Variants in GALNT5 observed in about 807,000 individuals in gnomAD.
The protein encoded by GALNT5 is UDP-GalNAc:polypeptide N-acetylgalactosaminyltransferase 5.
Under a neutral mutation model 85.4 loss-of-function variants are expected in GALNT5, and 72 were observed. The observed-to-expected ratio is 0.84, with a 90% CI of 0.70 to 1.03. GALNT5 has a LOEUF of 1.03. Among genes scored for constraint, GALNT5 ranks in the 50% least tolerant of loss-of-function variants. The pLI is 0.00. For missense variants in GALNT5, 1,137 were observed against 1,135.5 expected (o/e 1.00, Z -0.02); for synonymous variants, 404 against 397.0 (o/e 1.02, Z -0.21).
At chr2:157,288,386 ATTAT>A (rs1683021354) in intron 3 of GALNT5, among the ~76,000 whole-genome samples, 1 of 152,242 alleles carries the variant, frequency 6.6e-6, no homozygotes, top group Non-Finnish European at 1.5e-5. Context: ...TTGGAAAGTA[ATTAT>A]CTATAAATGA....
chr2:157,286,110 C>T lies in GALNT5; in HGVS notation c.1717C>T (p.Leu573=). ...KERHGLIRAR[L]AGAQNATGDV... ...GAGACATGGCTTAATAAGGGCCAGG[C>T]TGGCAGGAGCACAGAATGCAACAGG... Residue 573 remains leucine (L), a synonymous_variant, in exon 3 of 10, where the codon CTG becomes TTG. Transcript: ENST00000259056. 6.2e-7 allele frequency: 1 copy of T among 1,613,414 alleles called. No individual in the cohort carries two copies. Among genetic ancestry groups the T allele is most frequent in the South Asian group, 1.1e-5 (1 of 91,068 alleles).
At chr2:157,308,353 C>A (rs565133499) in intron 8 of GALNT5, among the ~76,000 whole-genome samples, 2 of 152,146 alleles carry the variant, frequency 1.3e-5, no homozygotes, top group East Asian at 3.8e-4. Flanking sequence ...TAGATACAAT[C>A]GCTATCCAAC....
At chr2:157,292,610 T>C (rs916313846) in intron 3 of GALNT5, among the ~76,000 whole-genome samples, 10 of 152,310 alleles carry the variant, frequency 6.6e-5, no homozygotes, top group South Asian at 4.1e-4. Flanking sequence ...CCAGGCCCCT[T>C]TGACTTCATA....
intron 8 of GALNT5, among the ~76,000 whole-genome samples, chr2:157,307,007 T>C (rs1683467601): frequency 2.0e-5 from 1 of 50,494 alleles, no homozygotes; most frequent in African/African-American, 4.7e-5. Flanking sequence ...TATTAAATAA[T>C]GCATTTTTTT....
At chr2:157,303,477 T>C (rs1683391628) in intron 7 of GALNT5, among the ~76,000 whole-genome samples, 1 of 150,726 alleles carries the variant, frequency 6.6e-6, no homozygotes, top group African/African-American at 2.5e-5. Flanking sequence ...ACATGGATAA[T>C]TTAAAATTCA....
rs181772023 is a variant in GALNT5 at position 157,315,609 on chromosome 2, T to C, written c.*4261T>C. On this transcript the variant is annotated 3_prime_UTR_variant, in exon 10 of 10. Transcript: ENST00000259056. The stretch of plus-strand genomic sequence containing the variant: ...CTCTCTGTGGTAACCAATTGATGTG[T>C]AGGTATAAACATGGCTACCCCCACA... 3.5e-4 allele frequency among the ~76,000 whole-genome samples: 54 copies of C among 152,250 alleles called. 1 individual carries two copies. Among genetic ancestry groups the C allele is most frequent in the Non-Finnish European group, 2.9e-5 (2 of 68,014 alleles).
At chr2:157,268,226 T>C (rs1682502803) in intron 1 of GALNT5, among the ~76,000 whole-genome samples, 1 of 152,222 alleles carries the variant, frequency 6.6e-6, no homozygotes, top group Admixed American at 6.5e-5. Flanking sequence ...TATCATTCCC[T>C]CAATCTTATG....
At chr2:157,304,113 A>T (rs1683403981) in intron 7 of GALNT5, among the ~76,000 whole-genome samples, 1 of 152,204 alleles carries the variant, frequency 6.6e-6, no homozygotes, top group South Asian at 2.1e-4. Flanking sequence ...ACAGAGAGCA[A>T]TTGCAGCATG....
At chr2:157,293,746 T>G (rs1683151230) in intron 3 of GALNT5, among the ~76,000 whole-genome samples, 1 of 152,040 alleles carries the variant, frequency 6.6e-6, no homozygotes, top group East Asian at 2.0e-4. Flanking sequence ...CGATGCTAAA[T>G]TCTATTAATT....
At position 157,314,951 on chromosome 2, in the gene GALNT5, G is replaced by A. The variant is rs1237345511; in HGVS notation, c.*3603G>A. 6.6e-6 allele frequency among the ~76,000 whole-genome samples: 1 copy of A among 152,014 alleles called. No homozygotes were observed. The highest frequency in any genetic ancestry group is 6.6e-5 in the Admixed American group (1 of 15,260). Reference sequence around the variant, plus strand: ...AAATTAGCTGGGCATGGTGGTGGGCGCCTGTAATCCCAGCTACCTGGGAGG... The same window carrying A: ...AAATTAGCTGGGCATGGTGGTGGGCACCTGTAATCCCAGCTACCTGGGAGG... On this transcript the variant is annotated 3_prime_UTR_variant, in exon 10 of 10. Transcript: ENST00000259056.
intron 1 of GALNT5, among the ~76,000 whole-genome samples, chr2:157,280,131 C>T (rs934889171): frequency 1.3e-5 from 2 of 152,164 alleles, no homozygotes; most frequent in South Asian, 2.1e-4. Context: ...GCCCTTGTGT[C>T]AGGCTAAAAG....
Position 157,259,094 on chromosome 2 carries a change from G to T in GALNT5, c.1012G>T (p.Val338Phe). Residue 338 changes from valine (V) to phenylalanine (F), a missense_variant, in exon 1 of 10, where the codon GTC becomes TTC. By Grantham distance (50) the Val-to-Phe change is conservative (BLOSUM62 -1). Transcript: ENST00000259056. Reference protein sequence around the residue: ...EEEQKADPKEVSNSKTKTIFP... With the variant: ...EEEQKADPKEFSNSKTKTIFP... Reference sequence around the variant, plus strand: ...AGAGCAAAAGGCAGACCCCAAAGAGGTCTCTAATTCTAAAACCAAAACAAT... The same window carrying T: ...AGAGCAAAAGGCAGACCCCAAAGAGTTCTCTAATTCTAAAACCAAAACAAT... The T allele has an allele frequency of 6.8e-7, 1 of 1,480,184 alleles. No homozygotes were observed. The highest frequency in any genetic ancestry group is 9.0e-7 in the Non-Finnish European group (1 of 1,113,900). 91.7% of individuals were successfully genotyped at this position (1,480,184 alleles called of 1,614,324 possible).
chr2:157,301,505 G>A (rs2105163616), intron 7 of GALNT5: 1 of 168,516 alleles, frequency 5.9e-6, no homozygotes, highest in South Asian at 1.4e-4. Context: ...GCTAGGCAGA[G>A]GGTAAAGGTC....
intron 3 of GALNT5, among the ~76,000 whole-genome samples, chr2:157,292,297 C>G (rs1488474154): frequency 6.6e-6 from 1 of 152,226 alleles, no homozygotes; most frequent in Non-Finnish European, 1.5e-5. Context: ...CCACGCCAAT[C>G]AGAAATCCCA....
chr2:157,312,326 G>C lies in GALNT5; in HGVS notation c.*978G>C, dbSNP rs1683592728. 6.6e-6 allele frequency: 1 copy of C among 151,946 alleles called. No individual in the cohort carries two copies. Among genetic ancestry groups the C allele is most frequent in the South Asian group, 2.1e-4 (1 of 4,824 alleles). The allele number at this position is 151,946 out of a possible 1,614,324, so 9.4% of individuals were successfully genotyped here. ...CACAGGGATGAAATATGCGAAAAAT[G>C]GGTTCTAAAATATTTCAAAGGGAAA... On this transcript the variant is annotated 3_prime_UTR_variant, in exon 10 of 10. Transcript: ENST00000259056.
intron 1 of GALNT5, among the ~76,000 whole-genome samples, chr2:157,271,040 C>G (rs1009754368): frequency 4.6e-5 from 7 of 151,722 alleles, no homozygotes; most frequent in African/African-American, 1.7e-4. Flanking sequence ...GGCGTGAACC[C>G]GGGAGGCGGA....
chr2:157,296,256 A>G (rs568629384), intron 4 of GALNT5, 138 bp from the exon 5 acceptor site: 2 of 601,816 alleles, frequency 3.3e-6, no homozygotes, highest in African/African-American at 1.8e-5. Context: ...TTCTTGAACT[A>G]TTATTAAAAG....
chr2:157,268,429 C>T (rs1682506938), intron 1 of GALNT5, among the ~76,000 whole-genome samples: 1 of 152,174 alleles, frequency 6.6e-6, no homozygotes, highest in South Asian at 2.1e-4. Flanking sequence ...TGTGTATTTG[C>T]ATTATGGGTA....
chr2:157,263,867 T>C (rs547006899), intron 1 of GALNT5, among the ~76,000 whole-genome samples: 1 of 152,326 alleles, frequency 6.6e-6, no homozygotes, highest in South Asian at 2.1e-4. Flanking sequence ...TGTTTAACAC[T>C]ATAATCTATT....
Sources: gnomAD v4.1 joint callset for allele counts (sites outside exome capture counted in the v4.1 genomes callset) on GRCh38, gnomAD v4.1.1 for gene constraint, MANE v1.5 for transcripts, NCBI Gene and HGNC (gene_info 2026-07-23, HGNC 2026-07-21) for gene names.